Variants in CCDC141 observed in about 807,000 individuals in gnomAD.
CCDC141 encodes the protein coiled-coil domain containing 141.
CCDC141 carries 168 observed loss-of-function variants against 181.0 expected under a neutral mutation model. The observed-to-expected ratio is 0.93, with a 90% CI of 0.82 to 1.05. CCDC141 has a LOEUF of 1.05. Among genes scored for constraint, CCDC141 ranks in the 50% least tolerant of loss-of-function variants. The pLI, the probability that CCDC141 is intolerant of heterozygous loss-of-function variation, is 0.00. For missense variants in CCDC141, 1,902 were observed against 1,788.5 expected (o/e 1.06, Z -1.14); for synonymous variants, 666 against 642.3 (o/e 1.04, Z -0.56).
chr2:178,985,028 A>G (rs1248975008), intron 2 of CCDC141, among the ~76,000 whole-genome samples: 1 of 151,212 alleles, frequency 6.6e-6, no homozygotes, highest in African/African-American at 2.4e-5. Flanking sequence ...TTTCAGCACC[A>G]CACCACACCT....
chr2:178,827,252 G>T (rs769213943), downstream of CCDC141, among the ~76,000 whole-genome samples: 1 of 152,086 alleles, frequency 6.6e-6, no homozygotes, highest in Non-Finnish European at 1.5e-5. Flanking sequence ...TTTAATGGAT[G>T]ATATATGGCC....
At chr2:178,933,330 A>G (rs756874785) in intron 6 of CCDC141, among the ~76,000 whole-genome samples, 2 of 152,214 alleles carry the variant, frequency 1.3e-5, no homozygotes, top group Non-Finnish European at 2.9e-5. Flanking sequence ...ATGTACATAC[A>G]TGAAACACAT....
At chr2:178,922,304 G>T (rs756693224) in intron 6 of CCDC141, among the ~76,000 whole-genome samples, 2 of 152,162 alleles carry the variant, frequency 1.3e-5, no homozygotes, top group Non-Finnish European at 2.9e-5. Context: ...GGCCAAGGGA[G>T]ATTACCAACT....
At chr2:178,817,734 G>T in the CCDC141 span, 4 of 294,414 alleles carry the variant, frequency 1.4e-5, no homozygotes, top group East Asian at 3.4e-4. Flanking sequence ...TAATATTTTC[G>T]TTCTCTTTTT....
intron 2 of CCDC141, among the ~76,000 whole-genome samples, chr2:178,986,986 C>T (rs1185370945): frequency 6.6e-6 from 1 of 151,954 alleles, no homozygotes; most frequent in South Asian, 2.1e-4. Flanking sequence ...TCATATGGAA[C>T]CAAAAAAGAG....
intron 2 of CCDC141, among the ~76,000 whole-genome samples, chr2:178,984,063 G>C (rs1427418396): frequency 2.6e-5 from 4 of 152,068 alleles, no homozygotes; most frequent in African/African-American, 4.8e-5. Flanking sequence ...GGCAGCCAGA[G>C]AGAAAGGTCG....
chr2:178,974,687 T>C (rs1334673988), intron 4 of CCDC141, among the ~76,000 whole-genome samples: 1 of 152,174 alleles, frequency 6.6e-6, no homozygotes. Flanking sequence ...AGAAGGAACA[T>C]TCACTGAATT....
intron 6 of CCDC141, among the ~76,000 whole-genome samples, chr2:178,939,958 C>G (rs774952790): frequency 1.4e-4 from 21 of 152,164 alleles, no homozygotes; most frequent in Non-Finnish European, 2.4e-4. Flanking sequence ...CTGTTGACCA[C>G]AAGCAACACT....
At chr2:178,908,023 A>G (rs1688053201) in intron 7 of CCDC141, among the ~76,000 whole-genome samples, 1 of 151,998 alleles carries the variant, frequency 6.6e-6, no homozygotes, top group Admixed American at 6.6e-5. Context: ...AAAAATAAAC[A>G]ATGAAACAAA....
At chr2:178,921,911 C>T (rs1451922786) in intron 6 of CCDC141, among the ~76,000 whole-genome samples, 2 of 152,228 alleles carry the variant, frequency 1.3e-5, no homozygotes, top group East Asian at 3.9e-4. Flanking sequence ...TACTCAAACT[C>T]AGGTGGAGAA....
chr2:178,845,863 G>A, intron 21 of CCDC141, 121 bp from the exon 22 acceptor site: 1 of 711,066 alleles, frequency 1.4e-6, no homozygotes, highest in South Asian at 1.6e-5. Flanking sequence ...TATTCCACAA[G>A]AGACTGGTGT....
chr2:178,963,477 C>G (rs1690494017), intron 4 of CCDC141, among the ~76,000 whole-genome samples: 1 of 151,896 alleles, frequency 6.6e-6, no homozygotes, highest in Non-Finnish European at 1.5e-5. Context: ...AGCATCTTAC[C>G]AAGCCAGATA....
chr2:178,937,845 T>TTTATTTGC, intron 6 of CCDC141, among the ~76,000 whole-genome samples: 1 of 151,266 alleles, frequency 6.6e-6, no homozygotes, highest in Non-Finnish European at 1.5e-5. Flanking sequence ...TTTAGGTCTG[T>TTTATTTGC]ATAGAGGTGT....
chr2:178,961,094 T>A, intron 5 of CCDC141, 136 bp downstream of exon 5: 1 of 889,918 alleles, frequency 1.1e-6, no homozygotes, highest in Non-Finnish European at 1.7e-6. Context: ...AACATGGTAG[T>A]TTGGATGAAA....
In CCDC141 at chr2:178,830,543, T is replaced by C. The variant is rs1325666542; in HGVS notation, c.*3630A>G. 2.6e-5 allele frequency: 4 copies of C among 152,232 alleles called. No homozygotes were observed. Among genetic ancestry groups the C allele is most frequent in the Admixed American group, 2.6e-4 (4 of 15,278 alleles). 9.4% of individuals were successfully genotyped at this position (152,232 alleles called of 1,614,324 possible). On this transcript the variant is annotated 3_prime_UTR_variant, in exon 24 of 24. Transcript: ENST00000443758. ...TTGTTTACCTTTGGCAACAATTCAA[T>C]TCAAAAGAGTTTACTGAGTGTGACT...
At chr2:178,999,752 A>G (rs2041900045) in intron 2 of CCDC141, among the ~76,000 whole-genome samples, 1 of 150,176 alleles carries the variant, frequency 6.7e-6, no homozygotes, top group South Asian at 2.1e-4. Context: ...TTGGCCTCTC[A>G]CTCTCCTCTC....
At chr2:179,013,000 G>A (rs868484772) in intron 2 of CCDC141, among the ~76,000 whole-genome samples, 27 of 152,188 alleles carry the variant, frequency 1.8e-4, no homozygotes, top group Admixed American at 4.6e-4. Flanking sequence ...CAAACCCACA[G>A]CCAACACAAT....
intron 2 of CCDC141, among the ~76,000 whole-genome samples, chr2:179,009,320 CT>C (rs960010788): frequency 1.3e-5 from 2 of 152,172 alleles, no homozygotes; most frequent in East Asian, 1.9e-4. Flanking sequence ...GTTCTCCCCC[CT>C]GGGGGTTGAA....
chr2:178,968,675 G>A (rs752432228), intron 4 of CCDC141, among the ~76,000 whole-genome samples: 22 of 151,784 alleles, frequency 1.4e-4, no homozygotes, highest in African/African-American at 4.6e-4. Context: ...AAAATTAAAA[G>A]AACTAGAGAA....
Sources: gnomAD v4.1 joint callset for allele counts (sites outside exome capture counted in the v4.1 genomes callset) on GRCh38, gnomAD v4.1.1 for gene constraint, MANE v1.5 for transcripts, NCBI Gene and HGNC (gene_info 2026-07-23, HGNC 2026-07-21) for gene names.